The following TMEM236 variants were observed in gnomAD, a reference collection of about 807,000 sequenced individuals.
The protein encoded by TMEM236 is family with sequence similarity 23, member A.
In TMEM236, 11 loss-of-function variants were observed where a neutral mutation model predicts 14.7. The ratio of observed to expected loss-of-function variants is 0.75; its 90% confidence interval spans 0.47 to 1.24. The LOEUF (loss-of-function observed/expected upper bound fraction) is 1.24, where lower values mean the gene tolerates loss of function less well. TMEM236 is among the 50% of genes most tolerant of loss of function. TMEM236 has a pLI of 0.00. For missense variants in TMEM236, 464 were observed against 427.3 expected (o/e 1.09, Z -0.76); for synonymous variants, 182 against 168.6 (o/e 1.08, Z -0.62).
At chr10:17,792,731 C>T (rs1554836133) in intron 3 of TMEM236, among the ~76,000 whole-genome samples, 1 of 152,120 alleles carries the variant, frequency 6.6e-6, no homozygotes, top group Non-Finnish European at 1.5e-5. Context: ...GCCATGTGAG[C>T]CTCTCAGGAG....
intron 1 of TMEM236, among the ~76,000 whole-genome samples, chr10:17,756,847 A>C (rs985592620): frequency 6.6e-6 from 1 of 152,112 alleles, no homozygotes; most frequent in African/African-American, 2.4e-5. Flanking sequence ...TCTGCCCCTT[A>C]GTGCATGTGG....
chr10:17,765,058 G>A (rs1279132693), intron 1 of TMEM236, among the ~76,000 whole-genome samples: 1 of 151,866 alleles, frequency 6.6e-6, no homozygotes, highest in East Asian at 1.9e-4. Context: ...TGGACCTTGT[G>A]ATCTGCCCAC....
rs1439969071 is a variant in TMEM236, at chr10:17,752,371, G to A, written c.76G>A (p.Val26Met). 1.3e-5 allele frequency: 21 copies of A among 1,613,658 alleles called. No homozygotes were observed. The highest frequency in any genetic ancestry group is 4.5e-5 in the East Asian group (2 of 44,882). Residue 26 changes from valine to methionine, a missense_variant, in exon 1 of 4, where the codon GTG becomes ATG. Transcript: ENST00000377495. ...TGCCGCTTTCTCCATCCCCACACTC[G>A]TGATCACAGAACAGTTTGCCACCGC... ...EFAAFSIPTL[V>M]ITEQFATAYQ...
intron 3 of TMEM236, among the ~76,000 whole-genome samples, chr10:17,794,438 A>G (rs1554836243): frequency 1.3e-5 from 2 of 152,206 alleles, no homozygotes; most frequent in Non-Finnish European, 2.9e-5. Flanking sequence ...CCTTCTGTGC[A>G]TAAAAACAAT....
chr10:17,775,126 G>A (rs1204941720), intron 2 of TMEM236, among the ~76,000 whole-genome samples: 3 of 152,086 alleles, frequency 2.0e-5, no homozygotes, highest in South Asian at 2.1e-4. Context: ...ATTCTCTGGC[G>A]CATTACCCTG....
chr10:17,764,916 T>A (rs1837437614), intron 1 of TMEM236, among the ~76,000 whole-genome samples: 1 of 144,838 alleles, frequency 6.9e-6, no homozygotes, highest in African/African-American at 2.5e-5. Flanking sequence ...CACCTCAACC[T>A]CTGCCTCCCA....
chr10:17,770,251 TTAACA>T (rs1837547181), intron 1 of TMEM236, among the ~76,000 whole-genome samples: 1 of 152,212 alleles, frequency 6.6e-6, no homozygotes, highest in Non-Finnish European at 1.5e-5. Flanking sequence ...ATAAATGGAA[TTAACA>T]TAATATATAT....
At chr10:17,790,721 A>G (rs1001461669) in intron 3 of TMEM236, among the ~76,000 whole-genome samples, 32 of 152,244 alleles carry the variant, frequency 2.1e-4, no homozygotes, top group African/African-American at 7.7e-4. Flanking sequence ...TCTGCTCCAT[A>G]TATTTTTCTC....
At chr10:17,759,119 C>T (rs1035647264) in intron 1 of TMEM236, among the ~76,000 whole-genome samples, 55 of 152,282 alleles carry the variant, frequency 3.6e-4, no homozygotes, top group Non-Finnish European at 7.5e-4. Flanking sequence ...TCTAGGGATG[C>T]CTGCCAGAAT....
rs1034504808 is a variant in TMEM236, at chr10:17,758,100, A to G, written c.257+5548A>G. 6.8e-3 allele frequency among the ~76,000 whole-genome samples: 1,043 copies of G among 152,354 alleles called. 9 individuals are homozygous for G. Among genetic ancestry groups the G allele is most frequent in the African/African-American group, 0.024 (996 of 41,592 alleles). Reference sequence around the variant, plus strand: ...ATGCAGTGCTTTTAATGTCATTAACATAATTTCACCCAGAGTGCATTTGGC... The same window carrying G: ...ATGCAGTGCTTTTAATGTCATTAACGTAATTTCACCCAGAGTGCATTTGGC... On this transcript the variant is annotated intron_variant, in intron 1 of 3. Transcript: ENST00000377495.
At chr10:17,787,721 G>T (rs1837862025) in intron 3 of TMEM236, among the ~76,000 whole-genome samples, 1 of 152,204 alleles carries the variant, frequency 6.6e-6, no homozygotes, top group Admixed American at 6.5e-5. Context: ...AGGCGAGGCT[G>T]CCTTTTGCGG....
Position 17,796,024 on chromosome 10 carries a change from C to A in TMEM236, c.576C>A (p.Thr192=). Residue 192 remains threonine (T), a synonymous_variant, in exon 4 of 4, where the codon ACC becomes ACA. Coordinates refer to ENST00000377495, the MANE Select transcript of TMEM236 (RefSeq NM_001098844.3). Reference sequence around the variant, plus strand: ...AAAACGCTGCATCTCCCCAGGCAACCAACAGCACCCAGGTGTCGCAGCCAT... The same window carrying A: ...AAAACGCTGCATCTCCCCAGGCAACAAACAGCACCCAGGTGTCGCAGCCAT... ...SPENAASPQA[T]NSTQVSQPSG... 6.2e-7 allele frequency: 1 copy of A among 1,613,918 alleles called. No individual in the cohort carries two copies. The highest frequency in any genetic ancestry group is 1.3e-5 in the African/African-American group (1 of 75,026).
intron 1 of TMEM236, among the ~76,000 whole-genome samples, chr10:17,759,488 G>A (rs974976149): frequency 6.6e-6 from 1 of 152,120 alleles, no homozygotes; most frequent in Non-Finnish European, 1.5e-5. Context: ...CTGGCTTAAG[G>A]TTTTAACATA....
chr10:17,796,201 G>T lies in TMEM236; in HGVS notation c.753G>T (p.Met251Ile). 1 of 1,613,958 alleles carries T rather than the reference G, an allele frequency of 6.2e-7. No homozygotes were observed. Among genetic ancestry groups the T allele is most frequent in the Non-Finnish European group, 8.5e-7 (1 of 1,179,868 alleles). ...TCCTGTGGTCTGACACGATAGAAAT[G>T]GTGCGTGTGGCTGGTCACCCCAACG... ...SFLLWSDTIEMVRVAGHPNVY... is the reference protein window; with the variant it reads ...SFLLWSDTIEIVRVAGHPNVY... The change falls in exon 4 of 4, where the codon ATG becomes ATT. Residue 251 changes from methionine (M) to isoleucine (I), a missense_variant. Coordinates refer to ENST00000377495, the MANE Select transcript of TMEM236 (RefSeq NM_001098844.3).
intron 2 of TMEM236, among the ~76,000 whole-genome samples, chr10:17,773,004 G>T (rs998507310): frequency 6.6e-6 from 1 of 152,130 alleles, no homozygotes; most frequent in Admixed American, 6.5e-5. Flanking sequence ...AATACCTGAA[G>T]CTCATTCGTT....
intron 3 of TMEM236, among the ~76,000 whole-genome samples, chr10:17,779,809 C>G (rs1837718605): frequency 6.6e-6 from 1 of 152,144 alleles, no homozygotes; most frequent in South Asian, 2.1e-4. Context: ...TTGCACTCAG[C>G]TTTTCACTCT....
intron 3 of TMEM236, among the ~76,000 whole-genome samples, chr10:17,794,380 C>A (rs968683769): frequency 4.6e-5 from 7 of 152,076 alleles, no homozygotes; most frequent in African/African-American, 1.7e-4. Flanking sequence ...TTCTTAGCAA[C>A]CAAAATGGTG....
At chr10:17,776,587 A>T (rs957411119) in intron 3 of TMEM236, among the ~76,000 whole-genome samples, 8,255 of 152,280 alleles carry the variant, frequency 0.054, 306 homozygotes, top group Non-Finnish European at 0.081. Context: ...TGTGTCCTAG[A>T]TAATCATGTG....
At chr10:17,770,829 T>C (rs1837559095) in intron 1 of TMEM236, among the ~76,000 whole-genome samples, 1 of 150,722 alleles carries the variant, frequency 6.6e-6, no homozygotes, top group South Asian at 2.2e-4. Flanking sequence ...GTATGGTTTT[T>C]TTTGGTTCTA....
Sources: gnomAD v4.1 joint callset for allele counts (sites outside exome capture counted in the v4.1 genomes callset) on GRCh38, gnomAD v4.1.1 for gene constraint, MANE v1.5 for transcripts, NCBI Gene and HGNC (gene_info 2026-07-23, HGNC 2026-07-21) for gene names.